The following C3orf33 variants were observed in gnomAD, a reference collection of about 807,000 sequenced individuals.
The protein encoded by C3orf33 is mitochondrial inner membrane subdomain organizer 1.
C3orf33 carries 23 observed loss-of-function variants against 28.7 expected under a neutral mutation model. The ratio of observed to expected loss-of-function variants is 0.80; its 90% CI spans 0.58 to 1.13. The LOEUF is 1.13. Ranked by LOEUF, C3orf33 falls within the 50% of genes most tolerant of loss-of-function variation. C3orf33 has a pLI of 0.00. For synonymous variants in C3orf33, 119 were observed against 120.5 expected (o/e 0.99, Z 0.08); for missense variants, 327 against 353.4 (o/e 0.93, Z 0.60).
At chr3:155,802,956 ATTAT>A (rs1170967698) in intron 1 of C3orf33, among the ~76,000 whole-genome samples, 1 of 152,108 alleles carries the variant, frequency 6.6e-6, no homozygotes, top group Non-Finnish European at 1.5e-5. Flanking sequence ...TACTGATCGT[ATTAT>A]TTAACTATCA....
At chr3:155,802,402 G>T (rs1751674560) in intron 2 of C3orf33, 130 bp downstream of exon 2, 3 of 656,788 alleles carry the variant, frequency 4.6e-6, no homozygotes, top group Middle Eastern at 4.1e-4. Flanking sequence ...TATGTTCATT[G>T]TTCTAAAATA....
intron 2 of C3orf33, among the ~76,000 whole-genome samples, chr3:155,796,759 C>A (rs1183675667): frequency 6.6e-6 from 1 of 152,164 alleles, no homozygotes; most frequent in Non-Finnish European, 1.5e-5. Flanking sequence ...AACATTAATG[C>A]AAAAATCCTC....
At chr3:155,766,991 C>T (rs1246144981) in intron 4 of C3orf33, among the ~76,000 whole-genome samples, 1 of 151,168 alleles carries the variant, frequency 6.6e-6, no homozygotes, top group Admixed American at 6.6e-5. Context: ...CGCAGTGGCT[C>T]ATGCCTGAAT....
Position 155,763,331 on chromosome 3 carries a change from A to G in C3orf33, c.*186T>C. On this transcript the variant is annotated 3_prime_UTR_variant, in exon 5 of 5. Coordinates refer to ENST00000340171, the MANE Select transcript of C3orf33 (RefSeq NM_001308229.2). ...TCCTTCCTAAAATCATATTACATTA[A>G]TTATAATTTGTTTAAATTAATTCTG... 2.4e-6 allele frequency: 1 copy of G among 422,206 alleles called. No individual in the cohort carries two copies. The allele number at this position is 422,206 out of a possible 1,614,324, so 26.2% of individuals were successfully genotyped here. A position where few individuals can be genotyped will look rare whatever the true frequency, so the allele number is the denominator to read the frequency against.
At chr3:155,786,231 A>C (rs982091914) in intron 2 of C3orf33, among the ~76,000 whole-genome samples, 2 of 152,118 alleles carry the variant, frequency 1.3e-5, no homozygotes, top group Admixed American at 6.6e-5. Flanking sequence ...AAAAGGCCAC[A>C]CTAAACCCAA....
intron 1 of C3orf33, 47 bp from the exon 2 acceptor site, chr3:155,802,638 A>C (rs1173703258): frequency 7.1e-7 from 1 of 1,399,658 alleles, no homozygotes. Flanking sequence ...TATTAGTCAC[A>C]ATAATGAAAG....
intron 2 of C3orf33, among the ~76,000 whole-genome samples, chr3:155,785,051 T>C (rs898500062): frequency 6.6e-6 from 1 of 151,472 alleles, no homozygotes; most frequent in Non-Finnish European, 1.5e-5. Flanking sequence ...ATGCAAATAA[T>C]AACCAAACAA....
At chr3:155,789,156 C>T (rs949794431) in intron 2 of C3orf33, among the ~76,000 whole-genome samples, 1 of 152,038 alleles carries the variant, frequency 6.6e-6, no homozygotes, top group East Asian at 1.9e-4. Flanking sequence ...ACCAGCCTGA[C>T]CAACATGGTG....
At chr3:155,790,255 T>C (rs1751273207) in intron 2 of C3orf33, among the ~76,000 whole-genome samples, 1 of 133,522 alleles carries the variant, frequency 7.5e-6, no homozygotes, top group South Asian at 2.4e-4. Flanking sequence ...CAGGCCCTTA[T>C]CTAACACTAT....
In C3orf33 at chr3:155,779,005, G is replaced by A. The variant is rs143298083; in HGVS notation, c.175-3157C>T. The stretch of plus-strand genomic sequence containing the variant: ...GAACTAAATTGTAAAGACTCCTCCT[G>A]TACTCCCCAAAACTAATGAAGGATG... On this transcript the variant is annotated intron_variant, in intron 2 of 4. Transcript: ENST00000340171. Among the ~76,000 whole-genome samples the A allele has an allele frequency of 5.0e-3, 757 of 152,228 alleles. 9 individuals carry two copies. The highest frequency in any genetic ancestry group is 4.8e-3 in the Non-Finnish European group (328 of 68,020).
At chr3:155,782,594 A>G (rs1011505235) in intron 2 of C3orf33, among the ~76,000 whole-genome samples, 4 of 152,222 alleles carry the variant, frequency 2.6e-5, no homozygotes, top group Non-Finnish European at 5.9e-5. Flanking sequence ...GTGGACTGAT[A>G]TATTCAAAGT....
At chr3:155,771,874 A>C (rs1750602835) in intron 3 of C3orf33, among the ~76,000 whole-genome samples, 3 of 152,216 alleles carry the variant, frequency 2.0e-5, no homozygotes, top group South Asian at 2.1e-4. Flanking sequence ...AGAACAACTT[A>C]GGCTCCAGTG....
At chr3:155,785,937 GC>G (rs1172192965) in intron 2 of C3orf33, among the ~76,000 whole-genome samples, 1 of 152,046 alleles carries the variant, frequency 6.6e-6, no homozygotes, top group African/African-American at 2.4e-5. Flanking sequence ...CTGCTCAGGA[GC>G]CTGAGGTGGG....
At chr3:155,768,594 C>CA (rs981104119) in intron 3 of C3orf33, among the ~76,000 whole-genome samples, 2 of 151,776 alleles carry the variant, frequency 1.3e-5, no homozygotes, top group East Asian at 1.9e-4. Context: ...TAACAGCTGA[C>CA]AAAAAAAACT....
rs576856906 is a variant in C3orf33, at chr3:155,763,606, C to T, written c.796G>A (p.Glu266Lys). The change falls in exon 5 of 5, where the codon GAA becomes AAA. Residue 266 changes from glutamate (E) to lysine (K), a missense_variant. Glu to Lys is a moderately conservative substitution (Grantham distance 56). Transcript: ENST00000340171. Reference sequence around the variant, plus strand: ...TTGTTCATGTTGTCTTTCCATATTTCATAAGTCCTTTTAAGTTTTTCATAA... The same window carrying T: ...TTGTTCATGTTGTCTTTCCATATTTTATAAGTCCTTTTAAGTTTTTCATAA... ...SYYEKLKRTY[E>K]IWKDNMNNCS... The T allele has an allele frequency of 5.7e-6, 9 of 1,591,064 alleles. No individual in the cohort carries two copies. Among genetic ancestry groups the T allele is most frequent in the Non-Finnish European group, 7.7e-6 (9 of 1,174,102 alleles).
intron 2 of C3orf33, among the ~76,000 whole-genome samples, chr3:155,798,781 A>G (rs1009598468): frequency 6.6e-6 from 1 of 152,202 alleles, no homozygotes; most frequent in Non-Finnish European, 1.5e-5. Flanking sequence ...GGATCATATC[A>G]AGTTAAAAAG....
chr3:155,777,016 T>A (rs555156653), intron 2 of C3orf33, among the ~76,000 whole-genome samples: 1 of 152,180 alleles, frequency 6.6e-6, no homozygotes, highest in African/African-American at 2.4e-5. Flanking sequence ...CATCTATTTT[T>A]AAAAATCATA....
intron 4 of C3orf33, among the ~76,000 whole-genome samples, chr3:155,765,696 C>T (rs1488114082): frequency 1.3e-5 from 2 of 151,844 alleles, no homozygotes; most frequent in East Asian, 3.9e-4. Flanking sequence ...TCCAGGCACC[C>T]GGCACCATGC....
chr3:155,786,928 A>G (rs529546904), intron 2 of C3orf33, among the ~76,000 whole-genome samples: 2 of 152,354 alleles, frequency 1.3e-5, no homozygotes, highest in African/African-American at 2.4e-5. Context: ...AAGTTAAATC[A>G]TTAATCAAAA....
Sources: allele counts gnomAD v4.1 joint callset (sites outside exome capture counted in the v4.1 genomes callset), GRCh38; gene constraint gnomAD v4.1.1; transcripts MANE v1.5; gene names NCBI Gene and HGNC (gene_info 2026-07-23, HGNC 2026-07-21).